Variants in HHIPL1 observed in about 807,000 individuals in gnomAD.
HHIPL1 encodes HHIP-like protein 1.
In HHIPL1, 43 loss-of-function variants were observed where a neutral mutation model predicts 61.8. The ratio of observed to expected loss-of-function variants is 0.70; its 90% confidence interval spans 0.55 to 0.90. The LOEUF (loss-of-function observed/expected upper bound fraction) is 0.90. Ranked by LOEUF, HHIPL1 falls within the 40% of genes least tolerant of loss-of-function variation. HHIPL1 has a pLI of 0.00. For synonymous variants in HHIPL1, 482 were observed against 515.8 expected (o/e 0.93, Z 0.89); for missense variants, 1,056 against 1,157.7 (o/e 0.91, Z 1.28).
Position 99,675,580 on chromosome 14 carries a change from A to T in HHIPL1, c.2303A>T (p.Asp768Val). ...NGVGTHNCEH[D>V]EDAGVVCSHQ... The stretch of plus-strand genomic sequence containing the variant: ...GTGGGCACCCACAACTGCGAGCACG[A>T]CGAGGATGCGGGCGTCGTGTGCAGC... Residue 768 changes from aspartate to valine, a missense_variant, in exon 9 of 9, where the codon GAC becomes GTC. Physicochemically the swap from Asp to Val is radical, Grantham distance 152. Coordinates refer to ENST00000330710, the MANE Select transcript of HHIPL1 (RefSeq NM_001127258.3). This position sits in a 1 kb window ranked among gnomAD's most constrained non-coding sequence, Gnocchi z 5.4. The T allele has an allele frequency of 2.0e-6, 3 of 1,534,970 alleles. No individual in the cohort carries two copies. Among genetic ancestry groups the T allele is most frequent in the Non-Finnish European group, 2.6e-6 (3 of 1,144,562 alleles).
In HHIPL1 at chr14:99,660,130, C is replaced by A; in HGVS notation, c.1376-150C>A. 1.5e-6 allele frequency: 1 copy of A among 683,988 alleles called. No individual in the cohort carries two copies. Among genetic ancestry groups the A allele is most frequent in the Non-Finnish European group, 2.1e-6 (1 of 471,982 alleles). The allele number at this position is 683,988 out of a possible 1,614,324, so 42.4% of individuals were successfully genotyped here. ...CCCTGCAGACACGCTTTCCACCACGCCAGCCCTGCTGTGGGCACGCCAGCC... is the reference window on the plus strand; with the variant it reads ...CCCTGCAGACACGCTTTCCACCACGACAGCCCTGCTGTGGGCACGCCAGCC... On this transcript the variant is annotated intron_variant, in intron 4 of 8. Coordinates refer to ENST00000330710, the MANE Select transcript of HHIPL1 (RefSeq NM_001127258.3). The surrounding 1 kb of genome is among the most constrained non-coding windows in gnomAD (Gnocchi z 4.9).
At chr14:99,627,518 C>T in the HHIPL1 span, among the ~76,000 whole-genome samples, 1 of 152,214 alleles carries the variant, frequency 6.6e-6, no homozygotes, top group Non-Finnish European at 1.5e-5. The surrounding 1 kb of genome is among the most constrained non-coding windows in gnomAD (Gnocchi z 4.4). Flanking sequence ...GTGCCAGGTG[C>T]CAGGGTGCCA....
chr14:99,656,923 A>G, intron 2 of HHIPL1, 77 bp from the exon 3 acceptor site: 1 of 1,225,402 alleles, frequency 8.2e-7, no homozygotes, highest in Non-Finnish European at 1.1e-6. Context: ...ATGACATCCA[A>G]GGAGACCGTG....
chr14:99,652,675 G>C lies in HHIPL1; in HGVS notation c.707G>C (p.Ser236Thr). ...SRLGKPFLNI[S>T]RVVLTSPWEG... ...CTGGGGAAGCCTTTCCTGAACATCA[G>C]CCGGGTGGTGCTCACCTCGCCCTGG... The change falls in exon 2 of 9, where the codon AGC (serine) becomes ACC (threonine). Residue 236 changes from serine (S) to threonine (T), a missense_variant. Physicochemically the swap from Ser to Thr is moderately conservative, Grantham distance 58. Coordinates refer to ENST00000330710, the MANE Select transcript of HHIPL1 (RefSeq NM_001127258.3). The C allele has an allele frequency of 6.2e-7, 1 of 1,613,920 alleles. No homozygotes were observed. The highest frequency in any genetic ancestry group is 8.5e-7 in the Non-Finnish European group (1 of 1,179,990).
chr14:99,615,591 AAAG>A, the HHIPL1 span, among the ~76,000 whole-genome samples: 3 of 151,670 alleles, frequency 2.0e-5, no homozygotes, highest in Non-Finnish European at 2.9e-5. Context: ...AAGAAGAAAG[AAAG>A]AGAGAGAGAG....
At chr14:99,623,786 G>A in the HHIPL1 span, among the ~76,000 whole-genome samples, 4 of 152,152 alleles carry the variant, frequency 2.6e-5, no homozygotes, top group Admixed American at 1.3e-4. Flanking sequence ...CTCCCCTCCC[G>A]AGCCTGCTGT....
chr14:99,675,956 G>A lies in HHIPL1; in HGVS notation c.*330G>A, dbSNP rs779675168. ...TGAGGAGGGAGGGCAGCCAGGCTTC[G>A]AGGACGGACATGGCCCCTGGCTGTG... On this transcript the variant is annotated 3_prime_UTR_variant, in exon 9 of 9. Transcript: ENST00000330710. The surrounding 1 kb of genome is among the most constrained non-coding windows in gnomAD (Gnocchi z 5.4). 2 of 312,540 alleles carry A rather than the reference G, an allele frequency of 6.4e-6. No individual in the cohort carries two copies. The highest frequency in any genetic ancestry group is 1.1e-4 in the East Asian group (2 of 18,778). 19.4% of individuals were successfully genotyped at this position (312,540 alleles called of 1,614,324 possible).
rs758548827 is a variant in HHIPL1 at position 99,662,957 on chromosome 14, T to G, written c.1584T>G (p.Cys528Trp). The G allele has an allele frequency of 6.2e-7, 1 of 1,613,994 alleles. No homozygotes were observed. The highest frequency in any genetic ancestry group is 1.1e-5 in the South Asian group (1 of 91,060). ...SEICMGHGQT[C>W]EFPGLINNYY... ...TCTGCATGGGCCACGGCCAGACCTG[T>G]GAGTTCCCAGGCCTCATCAACAACT... is the stretch of plus-strand genomic sequence containing the variant. Residue 528 changes from cysteine (C) to tryptophan (W), a missense_variant, in exon 6 of 9, where the codon TGT becomes TGG. Transcript: ENST00000330710.
chr14:99,657,819 A>G (rs1044918380), intron 3 of HHIPL1, among the ~76,000 whole-genome samples: 1 of 152,000 alleles, frequency 6.6e-6, no homozygotes, highest in Non-Finnish European at 1.5e-5. Flanking sequence ...ATATGCATGC[A>G]CACACACATT....
chr14:99,620,601 A>T, the HHIPL1 span, among the ~76,000 whole-genome samples: 1 of 152,240 alleles, frequency 6.6e-6, no homozygotes, highest in Non-Finnish European at 1.5e-5. Context: ...GTCACCACTC[A>T]GGTGGGGGGC....
At chr14:99,613,631 G>A in the HHIPL1 span, among the ~76,000 whole-genome samples, 13 of 152,110 alleles carry the variant, frequency 8.5e-5, no homozygotes, top group Admixed American at 2.0e-4. Flanking sequence ...GTTCCAGGCC[G>A]GGCACAGTGG....
intron 6 of HHIPL1, among the ~76,000 whole-genome samples, chr14:99,664,828 A>G (rs1315133970): frequency 6.6e-6 from 1 of 152,160 alleles, no homozygotes; most frequent in Non-Finnish European, 1.5e-5. Context: ...GAAAAGGCAC[A>G]CAAATGCATC....
chr14:99,621,735 A>T, the HHIPL1 span, among the ~76,000 whole-genome samples: 15 of 7,078 alleles, frequency 2.1e-3, no homozygotes, highest in Non-Finnish European at 5.6e-3. Context: ...TTTTTTTTTG[A>T]GACACAGTCT....
chr14:99,626,297 T>C, the HHIPL1 span, among the ~76,000 whole-genome samples: 3 of 152,114 alleles, frequency 2.0e-5, no homozygotes, highest in East Asian at 1.9e-4. Flanking sequence ...TGTGTATGCA[T>C]GTGTGATCCT....
At chr14:99,641,640 C>G (rs1311153324), upstream of HHIPL1, among the ~76,000 whole-genome samples, 1 of 152,046 alleles carries the variant, frequency 6.6e-6, no homozygotes, top group Non-Finnish European at 1.5e-5. Context: ...TCTCGACTTC[C>G]TGACCTCAGG....
rs1191870859 is a variant in HHIPL1 at position 99,675,852 on chromosome 14, A to T, written c.*226A>T. 5.3e-5 allele frequency: 23 copies of T among 437,904 alleles called. No homozygotes were observed. The Admixed American group carries it at 8.0e-4, about 15-fold the overall frequency. The allele number at this position is 437,904 out of a possible 1,614,324, so 27.1% of individuals were successfully genotyped here. A position where few individuals can be genotyped will look rare whatever the true frequency, so the allele number is the denominator to read the frequency against. ...TGTGGGCTCTGGAAGTGCATGGTCCATCATGGGCGGGAGGAGTTCCTTTCT... is the reference window on the plus strand; with the variant it reads ...TGTGGGCTCTGGAAGTGCATGGTCCTTCATGGGCGGGAGGAGTTCCTTTCT... On this transcript the variant is annotated 3_prime_UTR_variant, in exon 9 of 9. Coordinates refer to ENST00000330710, the MANE Select transcript of HHIPL1 (RefSeq NM_001127258.3). The surrounding 1 kb of genome is among the most constrained non-coding windows in gnomAD (Gnocchi z 5.4).
chr14:99,607,382 T>G, the HHIPL1 span, among the ~76,000 whole-genome samples: 95,089 of 151,786 alleles, frequency 0.63, 33,697 homozygotes, highest in South Asian at 0.86. Flanking sequence ...GCACTAACAG[T>G]CATACTGTAG....
the HHIPL1 span, among the ~76,000 whole-genome samples, chr14:99,611,771 G>A: frequency 6.6e-6 from 1 of 151,380 alleles, no homozygotes; most frequent in Non-Finnish European, 1.5e-5. Flanking sequence ...GCAATGCCCT[G>A]TGGACCTTCT....
At position 99,657,090 on chromosome 14, in the gene HHIPL1, A is replaced by G. The variant is rs2056059786; in HGVS notation, c.993A>G (p.Gly331=). Residue 331 remains glycine, a synonymous_variant, in exon 3 of 9, where the codon GGA becomes GGG. Coordinates refer to ENST00000330710, the MANE Select transcript of HHIPL1 (RefSeq NM_001127258.3). Reference sequence around the variant, plus strand: ...ACGGGTACCTCTACATCTTCACTGGAGATGGCGGGATGGCCGGAGACCCCT... The same window carrying G: ...ACGGGTACCTCTACATCTTCACTGGGGATGGCGGGATGGCCGGAGACCCCT... ...GDDGYLYIFT[G]DGGMAGDPFG... 1 of 1,613,340 alleles carries G rather than the reference A, an allele frequency of 6.2e-7. No individual in the cohort carries two copies. Among genetic ancestry groups the G allele is most frequent in the Admixed American group, 1.7e-5 (1 of 59,914 alleles).
Sources: gnomAD v4.1 joint callset for allele counts (sites outside exome capture counted in the v4.1 genomes callset) on GRCh38, gnomAD v4.1.1 for gene constraint, Gnocchi (gnomAD v3.1) non-coding constraint, MANE v1.5 for transcripts, NCBI Gene and HGNC (gene_info 2026-07-23, HGNC 2026-07-21) for gene names.